GRIA4: variants seen among roughly 807,000 people sequenced by gnomAD.
GRIA4 encodes glutamate receptor 4.
Under a neutral mutation model 104.0 loss-of-function variants are expected in GRIA4, and 34 were observed. That is an observed-to-expected ratio of 0.33 (90% CI 0.25 to 0.44). The LOEUF (loss-of-function observed/expected upper bound fraction) is 0.44, where lower values mean the gene tolerates loss of function less well. Ranked by LOEUF, GRIA4 falls within the 20% of genes least tolerant of loss-of-function variation. GRIA4 has a pLI of 1.00. For missense variants in GRIA4, 750 were observed against 1,096.5 expected (o/e 0.68, Z 4.46); for synonymous variants, 386 against 381.9 (o/e 1.01, Z -0.13).
intron 3 of GRIA4, among the ~76,000 whole-genome samples, chr11:105,664,420 C>A (rs1420051918): frequency 6.6e-6 from 1 of 150,766 alleles, no homozygotes; most frequent in Non-Finnish European, 1.5e-5. Context: ...TGGGCACAAA[C>A]AGACTTTGAA....
At chr11:105,628,867 A>G (rs1950957524) in intron 3 of GRIA4, among the ~76,000 whole-genome samples, 1 of 152,158 alleles carries the variant, frequency 6.6e-6, no homozygotes, top group South Asian at 2.1e-4. Context: ...TATTGAGAGG[A>G]CATTGTTGCT....
At chr11:105,933,082 T>A (rs950927387) in intron 13 of GRIA4, among the ~76,000 whole-genome samples, 19 of 125,736 alleles carry the variant, frequency 1.5e-4, no homozygotes, top group Non-Finnish European at 2.8e-4. Flanking sequence ...TTAAAAAAAT[T>A]TTTTTTTTAA....
At chr11:105,720,178 T>C (rs1255088917) in intron 3 of GRIA4, among the ~76,000 whole-genome samples, 1 of 151,958 alleles carries the variant, frequency 6.6e-6, no homozygotes, top group East Asian at 1.9e-4. Flanking sequence ...TTTTAAATTG[T>C]GAATTTCCTC....
chr11:105,717,729 T>C (rs1412428367), intron 3 of GRIA4, among the ~76,000 whole-genome samples: 2 of 152,006 alleles, frequency 1.3e-5, no homozygotes, highest in East Asian at 1.9e-4. Context: ...ATTATTATTA[T>C]ACTTTAAGTT....
intron 3 of GRIA4, among the ~76,000 whole-genome samples, chr11:105,641,231 T>G (rs995606255): frequency 1.3e-5 from 2 of 152,164 alleles, no homozygotes; most frequent in African/African-American, 4.8e-5. Context: ...AATAAAATTC[T>G]GAAATTATCA....
At chr11:105,862,660 T>C (rs1282490068) in intron 5 of GRIA4, 1 of 107,120 alleles carries the variant, frequency 9.3e-6, no homozygotes, top group African/African-American at 3.3e-5. Context: ...GTCAGTGGAA[T>C]ACTGTATATA....
intron 14 of GRIA4, among the ~76,000 whole-genome samples, chr11:105,937,571 G>C (rs41516344): frequency 0.059 from 9,023 of 152,134 alleles, 287 homozygotes; most frequent in Non-Finnish European, 0.078. Flanking sequence ...CAACAAAGCA[G>C]TGAGTCATAT....
At chr11:105,945,524 A>G in intron 14 of GRIA4, 1 of 870,064 alleles carries the variant, frequency 1.1e-6, no homozygotes, top group South Asian at 5.2e-5. Context: ...TTTTCTTTCA[A>G]AAGAATGGCT....
At chr11:105,772,246 A>G (rs1241560597) in intron 4 of GRIA4, among the ~76,000 whole-genome samples, 1 of 152,154 alleles carries the variant, frequency 6.6e-6, no homozygotes, top group African/African-American at 2.4e-5. Flanking sequence ...AATAACGCCA[A>G]CGTACCCGTG....
chr11:105,799,917 T>A (rs1487219414), intron 4 of GRIA4, among the ~76,000 whole-genome samples: 1 of 152,122 alleles, frequency 6.6e-6, no homozygotes, highest in Non-Finnish European at 1.5e-5. Flanking sequence ...TGTTAAGACG[T>A]AGGCTCAGAG....
intron 4 of GRIA4, among the ~76,000 whole-genome samples, chr11:105,816,762 A>G (rs2135888989): frequency 6.6e-6 from 1 of 152,280 alleles, no homozygotes; most frequent in Non-Finnish European, 1.5e-5. Context: ...CTATAATCCC[A>G]GCAAGTTGGG....
At chr11:105,760,080 G>C (rs1000510034) in intron 4 of GRIA4, among the ~76,000 whole-genome samples, 2 of 152,024 alleles carry the variant, frequency 1.3e-5, no homozygotes, top group African/African-American at 4.8e-5. Flanking sequence ...CATTTACGTA[G>C]TAACTATTAA....
chr11:105,977,826 T>A (rs560321886), intron 16 of GRIA4, among the ~76,000 whole-genome samples: 1 of 151,954 alleles, frequency 6.6e-6, no homozygotes, highest in African/African-American at 2.4e-5. Flanking sequence ...CTCCCCAGAG[T>A]CTCACTTCAA....
intron 4 of GRIA4, among the ~76,000 whole-genome samples, chr11:105,841,266 T>G (rs1383499331): frequency 2.0e-5 from 3 of 152,208 alleles, no homozygotes; most frequent in Non-Finnish European, 4.4e-5. Context: ...TTTAAAAAAT[T>G]ATTTTCACTT....
intron 3 of GRIA4, among the ~76,000 whole-genome samples, chr11:105,682,628 A>G (rs1170564690): frequency 2.0e-5 from 3 of 152,040 alleles, no homozygotes; most frequent in Non-Finnish European, 4.4e-5. Flanking sequence ...AGTTATGGGT[A>G]CTCTCCAACC....
intron 4 of GRIA4, among the ~76,000 whole-genome samples, chr11:105,831,728 G>T: frequency 6.6e-6 from 1 of 152,018 alleles, no homozygotes. Context: ...ATCAAGGAAT[G>T]AGCAACCATT....
chr11:105,699,538 T>C (rs1170376616), intron 3 of GRIA4, among the ~76,000 whole-genome samples: 1 of 152,204 alleles, frequency 6.6e-6, no homozygotes, highest in Non-Finnish European at 1.5e-5. Context: ...ATAACTTTTA[T>C]CTTCATCTTG....
At chr11:105,900,577 T>G (rs1034724730) in intron 7 of GRIA4, among the ~76,000 whole-genome samples, 32 of 152,136 alleles carry the variant, frequency 2.1e-4, no homozygotes, top group African/African-American at 7.7e-4. Context: ...TTTTTTCTTT[T>G]TTTTCAGGTT....
At chr11:105,680,067 C>A (rs1361180146) in intron 3 of GRIA4, among the ~76,000 whole-genome samples, 1 of 152,126 alleles carries the variant, frequency 6.6e-6, no homozygotes. Context: ...CACAATAATT[C>A]CTTCCTTTGC....
Sources: gnomAD v4.1 joint callset for allele counts (sites outside exome capture counted in the v4.1 genomes callset) on GRCh38, gnomAD v4.1.1 for gene constraint, MANE v1.5 for transcripts, NCBI Gene and HGNC (gene_info 2026-07-23, HGNC 2026-07-21) for gene names.